The following XXYLT1 variants were observed in gnomAD, a reference collection of about 807,000 sequenced individuals.
XXYLT1 encodes the protein xyloside xylosyltransferase 1.
Under a neutral mutation model 28.9 loss-of-function variants are expected in XXYLT1, and 20 were observed. The observed-to-expected ratio is 0.69, with a 90% confidence interval of 0.49 to 1.00. XXYLT1 has a LOEUF of 1.00. Ranked by LOEUF, XXYLT1 falls within the 50% of genes least tolerant of loss-of-function variation. XXYLT1 has a pLI of 0.00. For missense variants in XXYLT1, 542 were observed against 560.1 expected (o/e 0.97, Z 0.33); for synonymous variants, 257 against 253.8 (o/e 1.01, Z -0.12).
chr3:195,134,884 C>G (rs62290350), intron 3 of XXYLT1, among the ~76,000 whole-genome samples: 2 of 66,810 alleles, frequency 3.0e-5, no homozygotes, highest in South Asian at 7.6e-4. Context: ...TGCGCGCGTG[C>G]GCGCACGTGC....
At chr3:195,143,804 A>C (rs1350881776) in intron 3 of XXYLT1, among the ~76,000 whole-genome samples, 21 of 78,122 alleles carry the variant, frequency 2.7e-4, no homozygotes, top group South Asian at 5.1e-4. Context: ...ATATATAGAT[A>C]GATATATATA....
intron 1 of XXYLT1, among the ~76,000 whole-genome samples, chr3:195,263,950 T>C (rs1050144286): frequency 2.0e-5 from 3 of 152,220 alleles, no homozygotes; most frequent in South Asian, 2.1e-4. Flanking sequence ...CCCTTCTTCA[T>C]TGTTCTGTGC....
intron 1 of XXYLT1, among the ~76,000 whole-genome samples, chr3:195,228,269 C>T (rs1560163498): frequency 6.8e-6 from 1 of 146,536 alleles, no homozygotes. Flanking sequence ...TTTACACTGT[C>T]ACTTGCCCTG....
intron 2 of XXYLT1, among the ~76,000 whole-genome samples, chr3:195,196,132 A>G (rs1722614976): frequency 6.6e-6 from 1 of 152,256 alleles, no homozygotes; most frequent in Non-Finnish European, 1.5e-5. Flanking sequence ...CGCACTGTCC[A>G]ATAGAGTAGC....
rs375870399 is a variant in XXYLT1 at position 195,171,350 on chromosome 3, G to A, written c.653-14769C>T. Among the ~76,000 whole-genome samples, 9 of 152,322 alleles carry A rather than the reference G, an allele frequency of 5.9e-5. No individual in the cohort carries two copies. The East Asian group carries it at 1.5e-3, about 26-fold the overall frequency. Reference sequence around the variant, plus strand: ...CACACATCAACAGCTCTGGGAGCCCGAGATGGTGTATTTGTTGAGTCAGTC... The same window carrying A: ...CACACATCAACAGCTCTGGGAGCCCAAGATGGTGTATTTGTTGAGTCAGTC... On this transcript the variant is annotated intron_variant, in intron 2 of 3. Coordinates refer to ENST00000310380, the MANE Select transcript of XXYLT1 (RefSeq NM_152531.5).
chr3:195,168,214 T>C lies in XXYLT1; in HGVS notation c.653-11633A>G, dbSNP rs1560131567. On this transcript the variant is annotated intron_variant, in intron 2 of 3. Coordinates refer to ENST00000310380, the MANE Select transcript of XXYLT1 (RefSeq NM_152531.5). The surrounding 1 kb of genome is among the most constrained non-coding windows in gnomAD (Gnocchi z 4.3). The stretch of plus-strand genomic sequence containing the variant: ...GATGAGGGGTTTGAAATGAATGTGG[T>C]CTGAGACTCCTCCCAGCCCTACCAC... 1.3e-5 allele frequency among the ~76,000 whole-genome samples: 2 copies of C among 152,170 alleles called. No individual in the cohort carries two copies. The highest frequency in any genetic ancestry group is 2.4e-5 in the African/African-American group (1 of 41,442).
intron 3 of XXYLT1, among the ~76,000 whole-genome samples, chr3:195,130,466 AT>A (rs562795431): frequency 6.6e-6 from 1 of 152,258 alleles, no homozygotes; most frequent in Non-Finnish European, 1.5e-5. Flanking sequence ...ACCAGGTAAG[AT>A]TAAATAAATG....
chr3:195,122,967 G>T (rs971073658), intron 3 of XXYLT1, among the ~76,000 whole-genome samples: 1 of 152,146 alleles, frequency 6.6e-6, no homozygotes, highest in African/African-American at 2.4e-5. Flanking sequence ...GTTCTGCAAC[G>T]AACCAGCTTG....
intron 2 of XXYLT1, among the ~76,000 whole-genome samples, chr3:195,212,144 A>G (rs1723345944): frequency 6.8e-6 from 1 of 146,398 alleles, no homozygotes; most frequent in Non-Finnish European, 1.5e-5. Context: ...CACCGGGAAG[A>G]TCTGGAGGAG....
chr3:195,220,665 C>T (rs151127442), intron 2 of XXYLT1, among the ~76,000 whole-genome samples: 1 of 152,282 alleles, frequency 6.6e-6, no homozygotes, highest in Admixed American at 6.5e-5. Flanking sequence ...GACGATCAGA[C>T]GCAGCCACTC....
At chr3:195,143,179 A>C (rs1719580980) in intron 3 of XXYLT1, among the ~76,000 whole-genome samples, 1 of 152,176 alleles carries the variant, frequency 6.6e-6, no homozygotes, top group South Asian at 2.1e-4. Context: ...GTAACAGGAG[A>C]AAATGTTGGG....
chr3:195,206,535 G>A (rs774060007), intron 2 of XXYLT1, among the ~76,000 whole-genome samples: 7 of 151,910 alleles, frequency 4.6e-5, no homozygotes, highest in East Asian at 1.9e-4. Flanking sequence ...TTGGGAGGTC[G>A]CGGTGGGAGG....
chr3:195,122,736 A>C (rs1477975050), intron 3 of XXYLT1, among the ~76,000 whole-genome samples: 1 of 152,218 alleles, frequency 6.6e-6, no homozygotes, highest in South Asian at 2.1e-4. Flanking sequence ...GGCACGTAAC[A>C]AACTCCCCTC....
intron 3 of XXYLT1, among the ~76,000 whole-genome samples, chr3:195,151,238 T>C (rs1164922053): frequency 6.6e-6 from 1 of 152,172 alleles, no homozygotes; most frequent in East Asian, 1.9e-4. Context: ...AAAAGCGGGA[T>C]ATCTGTTAAA....
chr3:195,259,520 C>A, intron 1 of XXYLT1: 1 of 977,420 alleles, frequency 1.0e-6, no homozygotes, highest in Non-Finnish European at 1.2e-6. Flanking sequence ...CCAGGCGGCC[C>A]TTCCAGCAAG....
At position 195,243,277 on chromosome 3, in the gene XXYLT1, T is replaced by G. The variant is rs1005586668; in HGVS notation, c.505-16421A>C. Among the ~76,000 whole-genome samples, 29 of 151,590 alleles carry G rather than the reference T, an allele frequency of 1.9e-4. 1 individual carries two copies. Among genetic ancestry groups the G allele is most frequent in the Non-Finnish European group, 4.4e-5 (3 of 67,928 alleles). ...GTAATGTAAATGACGAGTTAATGGG[T>G]GCAGCACACCATCATGGCACATGTA... On this transcript the variant is annotated intron_variant, in intron 1 of 3. Transcript: ENST00000310380.
chr3:195,109,963 T>C (rs1265525151), intron 3 of XXYLT1, among the ~76,000 whole-genome samples: 1 of 41,396 alleles, frequency 2.4e-5, no homozygotes, highest in East Asian at 4.8e-4. Flanking sequence ...CATGTGTGTG[T>C]GTTGTGTGTA....
At chr3:195,112,451 C>A (rs912246650) in intron 3 of XXYLT1, among the ~76,000 whole-genome samples, 2 of 151,470 alleles carry the variant, frequency 1.3e-5, no homozygotes, top group Non-Finnish European at 2.9e-5. Flanking sequence ...CGCACACCCA[C>A]ACGCATGTGC....
intron 3 of XXYLT1, among the ~76,000 whole-genome samples, chr3:195,141,646 G>A (rs1419573751): frequency 6.6e-6 from 1 of 152,174 alleles, no homozygotes; most frequent in African/African-American, 2.4e-5. Context: ...GCTCAGTGGG[G>A]TCACACTCCA....
Sources: gnomAD v4.1 joint callset for allele counts (sites outside exome capture counted in the v4.1 genomes callset) on GRCh38, gnomAD v4.1.1 for gene constraint, Gnocchi (gnomAD v3.1) non-coding constraint, MANE v1.5 for transcripts, NCBI Gene and HGNC (gene_info 2026-07-23, HGNC 2026-07-21) for gene names.